IL9R: variants seen among roughly 807,000 people sequenced by gnomAD.
IL9R encodes interleukin 9 receptor.
IL9R carries 54 observed loss-of-function variants against 56.3 expected under a neutral mutation model. The ratio of observed to expected loss-of-function variants is 0.96; its 90% CI spans 0.77 to 1.20. The LOEUF is 1.20. IL9R is among the 50% of genes most tolerant of loss of function. The probability of loss-of-function intolerance (pLI) is 0.00; values close to 1 mark genes in which losing one functional copy is unlikely to be tolerated. For synonymous variants in IL9R, 212 were observed against 250.2 expected, an observed-to-expected ratio of 0.85 and a Z score of 1.44; for missense variants, 545 against 629.8, an observed-to-expected ratio of 0.87 and a Z score of 1.44.
intron 1 of IL9R, chrX:156,001,273 C>T (rs1429799176): frequency 9.2e-5 from 69 of 747,236 alleles, no homozygotes. Context: ...CAGCAGTTGT[C>T]CATTCTGGGG....
chrX:156,002,960 CCTGCAT>C lies in IL9R; in HGVS notation c.95_100del (p.Ile32_Cys33del), dbSNP rs765700574. On this transcript the variant is annotated inframe_deletion, in exon 2 of 9. Coordinates refer to ENST00000244174, the MANE Select transcript of IL9R (RefSeq NM_002186.3). ...CGAGACATGGGCACCTGGCTCCTGG[CCTGCAT>C]CTGCATCTGCACCTGTGTCTGCTTG... 2 of 1,613,784 alleles carry C rather than the reference CCTGCAT, an allele frequency of 1.2e-6. No individual in the cohort carries two copies. The highest frequency in any genetic ancestry group is 1.7e-6 in the Non-Finnish European group (2 of 1,179,850).
rs1569469227 is a variant in IL9R, at chrX:156,001,617, GTTT to G, written c.29-1288_29-1286del. ...TTAGAGTAGTGCCTGCTGCCCATTG[GTTT>G]GTGCGGTCCTTTAAGGCTGTAAGTC... On this transcript the variant is annotated intron_variant, in intron 1 of 8. Coordinates refer to ENST00000244174, the MANE Select transcript of IL9R (RefSeq NM_002186.3). 3.8e-5 allele frequency: 30 copies of G among 790,938 alleles called. No homozygotes were observed. The East Asian group carries it at 4.7e-4, about 12-fold the overall frequency. 49.0% of individuals were successfully genotyped at this position (790,938 alleles called of 1,614,324 possible).
In IL9R at chrX:156,007,621, C is replaced by G. The variant is rs369520460; in HGVS notation, c.972+14C>G. ...GGGAACTTCCAGGTGTGTGCAGAGA[C>G]CACAGAAGGACATGGGGGGCAGGGG... On this transcript the variant is annotated intron_variant, in intron 8 of 8. Coordinates refer to ENST00000244174, the MANE Select transcript of IL9R (RefSeq NM_002186.3). 6.6e-6 allele frequency: 9 copies of G among 1,362,796 alleles called. No individual in the cohort carries two copies. The African/African-American group carries it at 3.0e-4, about 45-fold the overall frequency. The allele number at this position is 1,362,796 out of a possible 1,614,324, so 84.4% of individuals were successfully genotyped here.
chrX:156,000,765 A>G (rs1021810242), intron 1 of IL9R, among the ~76,000 whole-genome samples: 30 of 152,240 alleles, frequency 2.0e-4, no homozygotes, highest in African/African-American at 7.0e-4. Context: ...CTGCAGCTCC[A>G]CCCCATTTAT....
At chrX:156,005,951 A>T in intron 6 of IL9R, 132 bp from the exon 7 acceptor site, 1 of 653,914 alleles carries the variant, frequency 1.5e-6, no homozygotes, top group Non-Finnish European at 2.7e-6. Flanking sequence ...CAGGTGACAC[A>T]AACCTCCAAG....
intron 8 of IL9R, among the ~76,000 whole-genome samples, chrX:156,009,485 C>CTG: frequency 6.7e-6 from 1 of 148,584 alleles, no homozygotes; most frequent in Non-Finnish European, 1.5e-5. Context: ...GCTGAAAGGC[C>CTG]CTGAGGCACA....
At chrX:156,002,213 G>A (rs2067579192) in intron 1 of IL9R, among the ~76,000 whole-genome samples, 1 of 152,112 alleles carries the variant, frequency 6.6e-6, no homozygotes, top group African/African-American at 2.4e-5. Flanking sequence ...AGCTGGGCAT[G>A]GCGGGAGATG....
intron 8 of IL9R, among the ~76,000 whole-genome samples, chrX:156,008,409 G>A (rs999412157): frequency 2.7e-5 from 4 of 150,888 alleles, no homozygotes; most frequent in Admixed American, 2.6e-4. Flanking sequence ...CTCTCAATGA[G>A]GAGCGTAGTT....
chrX:156,008,687 C>T (rs2068163558), intron 8 of IL9R, among the ~76,000 whole-genome samples: 1 of 152,158 alleles, frequency 6.6e-6, no homozygotes, highest in Non-Finnish European at 1.5e-5. Flanking sequence ...CTCCAGGGAG[C>T]ACTGCAGTGA....
At chrX:156,004,133 C>T (rs2067743685) in intron 4 of IL9R, 1 of 599,798 alleles carries the variant, frequency 1.7e-6, no homozygotes, top group South Asian at 2.0e-5. Flanking sequence ...TCAGTCATAC[C>T]AGGAAGGACT....
chrX:156,008,869 C>CTGTGTGTGTGTGTG (rs1283159353), intron 8 of IL9R, among the ~76,000 whole-genome samples: 1 of 147,810 alleles, frequency 6.8e-6, no homozygotes, highest in African/African-American at 2.5e-5. Context: ...GTGTGTGTGT[C>CTGTGTGTGTGTGTG]TGTGTGTGTG....
intron 8 of IL9R, among the ~76,000 whole-genome samples, chrX:156,009,025 GTGTC>G (rs1438427964): frequency 2.0e-5 from 3 of 151,954 alleles, no homozygotes; most frequent in Admixed American, 6.5e-5. Flanking sequence ...CTCTGTGTGT[GTGTC>G]TGTATCTGTG....
rs2067838156 is a variant in IL9R at position 156,005,222 on chromosome X, G to A, written c.580-56G>A. The A allele has an allele frequency of 2.8e-6, 4 of 1,429,480 alleles. No homozygotes were observed. The Admixed American group carries it at 5.0e-5, about 18-fold the overall frequency. 88.5% of individuals were successfully genotyped at this position (1,429,480 alleles called of 1,614,324 possible). A position where few individuals can be genotyped will look rare whatever the true frequency, so the allele number is the denominator to read the frequency against. On this transcript the variant is annotated intron_variant, in intron 5 of 8. Coordinates refer to ENST00000244174, the MANE Select transcript of IL9R (RefSeq NM_002186.3). ...ATATAATGCATGTGTGTATTCTCGA[G>A]GGCTGAGGGACCCAGCCCCACCTTC...
chrX:156,003,353 C>A, intron 2 of IL9R, 96 bp from the exon 3 acceptor site: 1 of 864,904 alleles, frequency 1.2e-6, no homozygotes, highest in Non-Finnish European at 2.0e-6. Context: ...TGGTGACTGC[C>A]CTGCTAGGGT....
Position 156,003,698 on chromosome X carries a change from A to G in IL9R, c.276A>G (p.Thr92=). The change falls in exon 4 of 9, where the codon ACA becomes ACG. Residue 92 remains threonine (T), a synonymous_variant. Coordinates refer to ENST00000244174, the MANE Select transcript of IL9R (RefSeq NM_002186.3). The part of the protein sequence containing the change: ...LFTSNQAPGG[T]HKCILRGSEC... ...CCAGCAACCAGGCTCCTGGCGGCACACATAAGTGCATCTTGCGGGGCAGTG... is the reference window on the plus strand; with the variant it reads ...CCAGCAACCAGGCTCCTGGCGGCACGCATAAGTGCATCTTGCGGGGCAGTG... 6.2e-7 allele frequency: 1 copy of G among 1,613,490 alleles called. No individual in the cohort carries two copies. Among genetic ancestry groups the G allele is most frequent in the Non-Finnish European group, 8.5e-7 (1 of 1,179,644 alleles).
intron 1 of IL9R, among the ~76,000 whole-genome samples, chrX:155,999,328 G>A (rs1009529675): frequency 1.1e-4 from 17 of 152,154 alleles, no homozygotes; most frequent in South Asian, 2.1e-4. Context: ...GTGGCCCAGC[G>A]TTCCCACAGG....
chrX:156,004,434 C>A lies in IL9R; in HGVS notation c.448C>A (p.Pro150Thr). ...LPRRHVKLDP[P>T]SDLQSNISSG... ...CTCTGTTCCAGTTAAGCTGGACCCG[C>A]CCTCTGACTTGCAGAGCAACATCAG... is the stretch of plus-strand genomic sequence containing the variant. The change falls in exon 5 of 9, where the codon CCC (proline) becomes ACC (threonine). Residue 150 changes from proline to threonine, a missense_variant. Pro to Thr is a conservative substitution (Grantham distance 38). This residue lies in a region of IL9R where 431 missense variants were observed against 360.0 expected (regional missense o/e 1.20). Transcript: ENST00000244174. 1 of 1,613,904 alleles carries A rather than the reference C, an allele frequency of 6.2e-7. No individual in the cohort carries two copies. Among genetic ancestry groups the A allele is most frequent in the Non-Finnish European group, 8.5e-7 (1 of 1,179,846 alleles).
chrX:156,005,395 G>A lies in IL9R; in HGVS notation c.697G>A (p.Asp233Asn), dbSNP rs150946462. 2.0e-4 allele frequency: 325 copies of A among 1,613,156 alleles called. 4 individuals are homozygous for A. The African/African-American group carries it at 3.2e-3, about 16-fold the overall frequency. Residue 233 changes from aspartate (D) to asparagine (N), a missense_variant, in exon 6 of 9, where the codon GAT (aspartate) becomes AAT (asparagine). By Grantham distance (23) the Asp-to-Asn change is conservative. Coordinates refer to ENST00000244174, the MANE Select transcript of IL9R (RefSeq NM_002186.3). ...RLRVQMATLEDDVVEEERYTG... is the reference protein window; with the variant it reads ...RLRVQMATLENDVVEEERYTG... ...GCGTGTCCAGATGGCCACACTGGAG[G>A]ATGATGTGGTAGAGGAGGAGCGTTA...
chrX:156,006,376 G>A (rs866402191), intron 7 of IL9R, among the ~76,000 whole-genome samples, 188 bp downstream of exon 7: 9 of 137,330 alleles, frequency 6.6e-5, no homozygotes, highest in African/African-American at 2.3e-4. Context: ...TGGGCTTTTC[G>A]AGTCTCCACC....
Sources: gnomAD v4.1 joint callset for allele counts (sites outside exome capture counted in the v4.1 genomes callset) on GRCh38, gnomAD v4.1.1 for gene constraint, gnomAD v4.1.1 regional missense constraint, MANE v1.5 for transcripts, NCBI Gene and HGNC (gene_info 2026-07-23, HGNC 2026-07-21) for gene names.